CROCC: variants seen among roughly 807,000 people sequenced by gnomAD.
CROCC encodes ciliary rootlet coiled-coil, rootletin.
Under a neutral mutation model 245.2 loss-of-function variants are expected in CROCC, and 180 were observed. The ratio of observed to expected loss-of-function variants is 0.73; its 90% confidence interval spans 0.65 to 0.83. CROCC has a LOEUF of 0.83. Ranked by LOEUF, CROCC falls within the 40% of genes least tolerant of loss-of-function variation. The pLI is 0.00. For synonymous variants in CROCC, 1,205 were observed against 1,241.6 expected (o/e 0.97, Z 0.62); for missense variants, 2,688 against 2,779.4 (o/e 0.97, Z 0.74).
rs1305435704 is a variant in CROCC at position 16,966,036 on chromosome 1, A to G, written c.4613A>G (p.Gln1538Arg). The G allele has an allele frequency of 6.2e-7, 1 of 1,613,874 alleles. No homozygotes were observed. The highest frequency in any genetic ancestry group is 1.1e-5 in the South Asian group (1 of 91,070). Residue 1538 changes from glutamine (Q) to arginine (R), a missense_variant, in exon 29 of 37, where the codon CAG (glutamine) becomes CGG (arginine). Gln to Arg is a conservative substitution (Grantham distance 43). Coordinates refer to ENST00000375541, the MANE Select transcript of CROCC (RefSeq NM_014675.5). The surrounding 1 kb of genome is among the most constrained non-coding windows in gnomAD (Gnocchi z 4.8). ...ACCCAGACCAGTGCCCTGAATCGCC[A>G]GCTGGCCGAGATGGAGGCTGAGAGG... ...LRTQTSALNR[Q>R]LAEMEAERDS...
At chr1:16,933,130 T>A (rs565064123) in intron 8 of CROCC, among the ~76,000 whole-genome samples, 65 of 152,382 alleles carry the variant, frequency 4.3e-4, no homozygotes, top group Middle Eastern at 3.4e-3. Context: ...TTTGTTAATA[T>A]CATCAAATAG....
chr1:16,971,100 C>A, intron 35 of CROCC: 1 of 449,326 alleles, frequency 2.2e-6, no homozygotes, highest in East Asian at 3.6e-5. Context: ...TGTTTGTGTA[C>A]AGATGTTTTC....
rs1553160332 is a variant in CROCC, at chr1:16,962,556, A to AAC, written c.4405+1427_4405+1428insCA. 1.4e-3 allele frequency among the ~76,000 whole-genome samples: 152 copies of AAC among 105,844 alleles called. 14 individuals carry two copies. The highest frequency in any genetic ancestry group is 3.2e-3 in the African/African-American group (87 of 27,532). 69.4% of individuals were successfully genotyped at this position (105,844 alleles called of 152,430 possible). A position where few individuals can be genotyped will look rare whatever the true frequency, so the allele number is the denominator to read the frequency against. On this transcript the variant is annotated intron_variant, in intron 27 of 36. Coordinates refer to ENST00000375541, the MANE Select transcript of CROCC (RefSeq NM_014675.5). The stretch of plus-strand genomic sequence containing the variant: ...TCTCAAAAAAAAAAAAAAAAAAAAA[A>AAC]AAAAACAGGATTTCAGCATGTTGGT...
intron 27 of CROCC, among the ~76,000 whole-genome samples, chr1:16,963,007 C>A (rs2076358890): frequency 6.6e-6 from 1 of 151,338 alleles, no homozygotes; most frequent in Admixed American, 6.6e-5. Flanking sequence ...CATGGTGAAA[C>A]CCTGTCTCTA....
intron 1 of CROCC, 126 bp downstream of exon 1, chr1:16,922,204 A>G: frequency 2.0e-6 from 2 of 1,023,522 alleles, no homozygotes; most frequent in Non-Finnish European, 2.8e-6. Flanking sequence ...TGGGGTATAC[A>G]GGGGCCCCCC....
chr1:16,958,001 C>G lies in CROCC; in HGVS notation c.3865-582C>G, dbSNP rs56720556. ...ATGGGGGAGGTAGGCAGTACCCCTC[C>G]CTGCTCCTGTGGGGAAATAGGGGCT... On this transcript the variant is annotated intron_variant, in intron 25 of 36. Transcript: ENST00000375541. 1.8e-3 allele frequency among the ~76,000 whole-genome samples: 270 copies of G among 152,232 alleles called. 1 individual carries two copies. Among genetic ancestry groups the G allele is most frequent in the African/African-American group, 5.6e-3 (234 of 41,544 alleles).
intron 20 of CROCC, among the ~76,000 whole-genome samples, chr1:16,951,730 C>T (rs1406008171): frequency 2.6e-5 from 4 of 152,226 alleles, no homozygotes; most frequent in Admixed American, 6.5e-5. Flanking sequence ...GCCCTCGGGA[C>T]AGGGGCCCTC....
chr1:16,969,718 G>C (rs780622593), intron 32 of CROCC, 67 bp from the exon 33 acceptor site: 3 of 1,553,194 alleles, frequency 1.9e-6, no homozygotes, highest in Non-Finnish European at 1.7e-6. Flanking sequence ...CTGTCCAGAG[G>C]TACAGAATAG....
At chr1:16,959,179 C>G (rs1393858657) in intron 26 of CROCC, among the ~76,000 whole-genome samples, 1 of 152,134 alleles carries the variant, frequency 6.6e-6, no homozygotes, top group Non-Finnish European at 1.5e-5. Flanking sequence ...CTTGCCACCA[C>G]GCCCAGCTAA....
chr1:16,969,071 G>T (rs778955561), intron 31 of CROCC, 45 bp from the exon 32 acceptor site: 2 of 1,549,096 alleles, frequency 1.3e-6, no homozygotes, highest in South Asian at 1.2e-5. Flanking sequence ...AGGTATAGAG[G>T]CCAGATGGGA....
chr1:16,971,612 G>A lies in CROCC; in HGVS notation c.5932G>A (p.Ala1978Thr). The A allele has an allele frequency of 6.6e-7, 1 of 1,517,710 alleles. No homozygotes were observed. Among genetic ancestry groups the A allele is most frequent in the Non-Finnish European group, 8.8e-7 (1 of 1,132,538 alleles). 94.0% of individuals were successfully genotyped at this position (1,517,710 alleles called of 1,614,324 possible). ...TERTLEARER[A>T]HRQRVRGLEE... ...GCGCACCCTGGAGGCTCGGGAGCGG[G>A]CCCACCGCCAGAGGGTGCGTGGGCT... The change falls in exon 36 of 37, where the codon GCC becomes ACC. Residue 1978 changes from alanine (A) to threonine (T), a missense_variant. Around this residue, in one of 9 missense-constraint regions of CROCC, gnomAD observed 1,218 missense variants for 1,286.3 expected, o/e 0.95. Coordinates refer to ENST00000375541, the MANE Select transcript of CROCC (RefSeq NM_014675.5).
rs2076286945 is a variant in CROCC at position 16,958,813 on chromosome 1, C to G, written c.4032+63C>G. ...TCCCCCAGCAGGAAGCAGGTGGGCA[C>G]CCCAATGCTGGGGCCATTCTGAAAG... On this transcript the variant is annotated intron_variant, in intron 26 of 36. Transcript: ENST00000375541. 7.9e-6 allele frequency: 12 copies of G among 1,513,358 alleles called. No individual in the cohort carries two copies. In the South Asian group the frequency reaches 1.4e-4, roughly 17 times the overall value. The allele number at this position is 1,513,358 out of a possible 1,614,324, so 93.7% of individuals were successfully genotyped here.
chr1:16,959,210 G>A (rs577071317), intron 26 of CROCC, among the ~76,000 whole-genome samples: 1 of 152,214 alleles, frequency 6.6e-6, no homozygotes, highest in Non-Finnish European at 1.5e-5. Context: ...TTTTAGTAGA[G>A]ACAGGATTTC....
At chr1:16,916,089 T>C (rs2075300026) in intron 1 of CROCC, among the ~76,000 whole-genome samples, 1 of 152,128 alleles carries the variant, frequency 6.6e-6, no homozygotes, top group African/African-American at 2.4e-5. Flanking sequence ...GGTAGGAGAA[T>C]TGCTTGAACC....
chr1:16,924,709 G>T lies in CROCC; in HGVS notation c.351+230G>T, dbSNP rs148904665. Among the ~76,000 whole-genome samples, 899 of 152,156 alleles carry T rather than the reference G, an allele frequency of 5.9e-3. No individual in the cohort carries two copies. The highest frequency in any genetic ancestry group is 0.021 in the African/African-American group (865 of 41,354). On this transcript the variant is annotated intron_variant, in intron 3 of 36. Coordinates refer to ENST00000375541, the MANE Select transcript of CROCC (RefSeq NM_014675.5). ...GGGACGTGGAATTGTAGGAATCAAG[G>T]AGATAATAGAATAAAGTGCCTGGCA... is the stretch of plus-strand genomic sequence containing the variant.
chr1:16,971,501 G>T lies in CROCC; in HGVS notation c.5821G>T (p.Ala1941Ser). The change falls in exon 36 of 37, where the codon GCC becomes TCC. Residue 1941 changes from alanine to serine, a missense_variant. Ala to Ser is a moderately conservative substitution (Grantham distance 99, BLOSUM62 1). Around this residue, in one of 9 missense-constraint regions of CROCC, gnomAD observed 1,218 missense variants for 1,286.3 expected, o/e 0.95. Coordinates refer to ENST00000375541, the MANE Select transcript of CROCC (RefSeq NM_014675.5). ...VVVLEQSHSP[A>S]QLEVDAQQQQ... ...GGTGCTGGAGCAGAGCCACAGCCCG[G>T]CCCAGCTGGAGGTGGATGCGCAGCA... 6.5e-7 allele frequency: 1 copy of T among 1,537,056 alleles called. No homozygotes were observed. Among genetic ancestry groups the T allele is most frequent in the Non-Finnish European group, 8.7e-7 (1 of 1,146,434 alleles).
intron 25 of CROCC, among the ~76,000 whole-genome samples, chr1:16,958,055 T>A (rs1413342819): frequency 3.9e-5 from 6 of 152,168 alleles, no homozygotes; most frequent in Non-Finnish European, 5.9e-5. Context: ...TCAGATCGAA[T>A]CCCAGTCTGG....
intron 12 of CROCC, 31 bp from the exon 13 acceptor site, chr1:16,939,863 C>G: frequency 6.2e-7 from 1 of 1,607,910 alleles, no homozygotes; most frequent in Non-Finnish European, 8.5e-7. Context: ...CTCTCAGGCC[C>G]CCCCAGACTC....
At chr1:16,946,468 C>T (rs1199529770) in intron 16 of CROCC, 63 bp downstream of exon 16, 1 of 1,576,870 alleles carries the variant, frequency 6.3e-7, no homozygotes, top group Non-Finnish European at 8.6e-7. Flanking sequence ...CAGTGAGGCA[C>T]CCCGGGCCCA....
Sources: allele counts gnomAD v4.1 joint callset (sites outside exome capture counted in the v4.1 genomes callset), GRCh38; gene constraint gnomAD v4.1.1; regional missense constraint gnomAD v4.1.1; non-coding constraint Gnocchi (gnomAD v3.1); transcripts MANE v1.5; gene names NCBI Gene and HGNC (gene_info 2026-07-23, HGNC 2026-07-21).